TERB1: variants seen among roughly 807,000 people sequenced by gnomAD.
TERB1 encodes telomere repeats-binding bouquet formation protein 1.
TERB1 carries 63 observed loss-of-function variants against 92.3 expected under a neutral mutation model. That is an observed-to-expected ratio of 0.68 (90% CI 0.56 to 0.84). The LOEUF (loss-of-function observed/expected upper bound fraction) is 0.84. Among genes scored for constraint, TERB1 ranks in the 40% least tolerant of loss-of-function variants. TERB1 has a pLI of 0.00. For synonymous variants in TERB1, 252 were observed against 283.9 expected (o/e 0.89, Z 1.13); for missense variants, 709 against 843.7 (o/e 0.84, Z 1.98).
At chr16:66,788,057 T>C (rs2018757572) in intron 6 of TERB1, 112 bp downstream of exon 6, 1 of 825,632 alleles carries the variant, frequency 1.2e-6, no homozygotes, top group Non-Finnish European at 1.7e-6. Flanking sequence ...CAAGACTCTG[T>C]CTCCAAAAAC....
At chr16:66,788,405 T>A (rs1231953302) in intron 5 of TERB1, 108 bp from the exon 6 acceptor site, 2 of 837,614 alleles carry the variant, frequency 2.4e-6, no homozygotes, top group Non-Finnish European at 3.5e-6. Flanking sequence ...CTTAACCAAA[T>A]CTCATTTAAT....
At chr16:66,788,332 T>G (rs965859778) in intron 5 of TERB1, 35 bp from the exon 6 acceptor site, 7 of 1,451,250 alleles carry the variant, frequency 4.8e-6, no homozygotes, top group Non-Finnish European at 6.4e-6. Flanking sequence ...TTTCAATGCA[T>G]TGTCACAAAC....
intron 5 of TERB1, 90 bp from the exon 6 acceptor site, chr16:66,788,387 C>A (rs550218333): frequency 1.9e-6 from 2 of 1,076,104 alleles, no homozygotes; most frequent in Non-Finnish European, 1.3e-6. Flanking sequence ...GCCTAACTGG[C>A]GATGGTTCTT....
chr16:66,797,498 A>C (rs191323838), intron 2 of TERB1, among the ~76,000 whole-genome samples: 1 of 151,634 alleles, frequency 6.6e-6, no homozygotes, highest in East Asian at 1.9e-4. Flanking sequence ...CAGCCTCCCA[A>C]AGTGCTGAGA....
At chr16:66,773,100 G>T (rs551334304) in intron 12 of TERB1, among the ~76,000 whole-genome samples, 4 of 151,734 alleles carry the variant, frequency 2.6e-5, no homozygotes, top group Non-Finnish European at 4.4e-5. Context: ...ATGCCGAGGC[G>T]GGAGGATCAC....
At chr16:66,788,398 A>G in intron 5 of TERB1, 101 bp from the exon 6 acceptor site, 1 of 925,782 alleles carries the variant, frequency 1.1e-6, no homozygotes. Context: ...GATGGTTCTT[A>G]ACCAAATCTC....
intron 16 of TERB1, 68 bp from the exon 17 acceptor site, chr16:66,759,358 A>C: frequency 8.0e-7 from 1 of 1,252,840 alleles, no homozygotes; most frequent in East Asian, 2.6e-5. Context: ...CTATGATAGC[A>C]AATATCTATA....
chr16:66,770,491 A>G (rs1445522808), intron 13 of TERB1, among the ~76,000 whole-genome samples, 182 bp from the exon 14 acceptor site: 5 of 152,310 alleles, frequency 3.3e-5, no homozygotes, highest in Middle Eastern at 6.8e-3. Context: ...TATTGGGACA[A>G]TTGGGTAGCC....
At position 66,786,007 on chromosome 16, in the gene TERB1, T is replaced by A. The variant is rs542523274; in HGVS notation, c.577+7A>T. 3 of 1,541,074 alleles carry A rather than the reference T, an allele frequency of 1.9e-6. No homozygotes were observed. The African/African-American group carries it at 4.1e-5, about 21-fold the overall frequency. On this transcript the variant is annotated splice_region_variant and intron_variant, in intron 8 of 18. Transcript: ENST00000433154. The stretch of plus-strand genomic sequence containing the variant: ...TATTTTTATATTTAAACATGACAGA[T>A]AATTACCATTTTGAGGATTGTTGAC...
At chr16:66,799,475 G>A (rs957650410) in intron 2 of TERB1, among the ~76,000 whole-genome samples, 8 of 152,116 alleles carry the variant, frequency 5.3e-5, no homozygotes, top group East Asian at 1.9e-4. Context: ...TGATCCACCC[G>A]CCTCGGCCTC....
intron 2 of TERB1, among the ~76,000 whole-genome samples, chr16:66,799,053 G>A (rs1959216920): frequency 6.6e-6 from 1 of 152,070 alleles, no homozygotes; most frequent in African/African-American, 2.4e-5. Context: ...TTGAACAAAT[G>A]GGTTAAGATT....
intron 16 of TERB1, among the ~76,000 whole-genome samples, chr16:66,761,840 G>A (rs1211888182): frequency 1.3e-5 from 2 of 152,294 alleles, no homozygotes; most frequent in African/African-American, 4.8e-5. Context: ...AGATCACAAG[G>A]TCAGGAGATG....
At chr16:66,770,592 A>G (rs1208436617) in intron 13 of TERB1, among the ~76,000 whole-genome samples, 3 of 152,158 alleles carry the variant, frequency 2.0e-5, no homozygotes, top group Admixed American at 2.0e-4. Context: ...ACAAAGTCAT[A>G]TATGTTCTAA....
chr16:66,760,783 C>CAAAAAAAA (rs57817560), intron 16 of TERB1, among the ~76,000 whole-genome samples: 1 of 67,244 alleles, frequency 1.5e-5, no homozygotes, highest in African/African-American at 5.9e-5. Context: ...GACTCCATCT[C>CAAAAAAAA]AAAAAAAAAA....
chr16:66,767,989 A>G (rs1026454944), intron 15 of TERB1, 115 bp downstream of exon 15: 20 of 813,494 alleles, frequency 2.5e-5, no homozygotes, highest in Non-Finnish European at 4.0e-5. Flanking sequence ...AGGCCTCCCA[A>G]AGTGCTGGGA....
intron 16 of TERB1, among the ~76,000 whole-genome samples, chr16:66,764,042 G>A (rs1194389808): frequency 2.0e-5 from 3 of 151,840 alleles, no homozygotes; most frequent in African/African-American, 7.3e-5. Context: ...TGCAGGGAAC[G>A]AGACCAAGAA....
At chr16:66,778,712 C>G (rs1262781820) in intron 10 of TERB1, 151 bp downstream of exon 10, 4 of 623,464 alleles carry the variant, frequency 6.4e-6, no homozygotes, top group Non-Finnish European at 9.8e-6. Context: ...GCTACTGTGT[C>G]CAGCCATGTT....
At chr16:66,797,669 G>T (rs947495773) in intron 2 of TERB1, among the ~76,000 whole-genome samples, 1 of 121,626 alleles carries the variant, frequency 8.2e-6, no homozygotes, top group Non-Finnish European at 1.7e-5. Context: ...ACACTCTTTA[G>T]ATTGGCCTTT....
intron 9 of TERB1, among the ~76,000 whole-genome samples, chr16:66,781,771 C>T (rs944312333): frequency 2.0e-5 from 3 of 152,130 alleles, no homozygotes; most frequent in East Asian, 1.9e-4. Flanking sequence ...CCGCCTGTCT[C>T]GGCCTCCCAA....
Sources: allele counts gnomAD v4.1 joint callset (sites outside exome capture counted in the v4.1 genomes callset), GRCh38; gene constraint gnomAD v4.1.1; transcripts MANE v1.5; gene names NCBI Gene and HGNC (gene_info 2026-07-23, HGNC 2026-07-21).